ZNF778: variants seen among roughly 807,000 people sequenced by gnomAD.
ZNF778 encodes zinc finger protein 778.
Under a neutral mutation model 23.9 loss-of-function variants are expected in ZNF778, and 37 were observed. The observed-to-expected ratio is 1.54, with a 90% confidence interval of 1.19 to 2.03. ZNF778 has a LOEUF of 2.03. Ranked by LOEUF, ZNF778 falls within the 30% of genes most tolerant of loss-of-function variation. The probability of loss-of-function intolerance (pLI) is 0.00; values close to 1 mark genes in which losing one functional copy is unlikely to be tolerated. For missense variants in ZNF778, 1,297 were observed against 934.4 expected, an observed-to-expected ratio of 1.39 and a Z score of -5.06; for synonymous variants, 483 against 343.9, an observed-to-expected ratio of 1.40 and a Z score of -4.48.
Position 89,223,159 on chromosome 16 carries a change from C to G in ZNF778, c.120C>G (p.Asp40Glu). The G allele has an allele frequency of 6.2e-7, 1 of 1,612,766 alleles. No homozygotes were observed. The highest frequency in any genetic ancestry group is 8.5e-7 in the Non-Finnish European group (1 of 1,179,656). Residue 40 changes from aspartate (D) to glutamate (E), a missense_variant and splice_region_variant, in exon 4 of 7, where the codon GAC becomes GAG. Coordinates refer to ENST00000433976, the MANE Select transcript of ZNF778 (RefSeq NM_001201407.2). ...VAGWLINCYQ[D>E]AVTFDDVAVD... is the part of the protein sequence containing the mutation. ...AACCGTCATGTGTGATGATTTAGGA[C>G]GCGGTGACCTTTGACGACGTGGCTG...
At chr16:89,224,891 G>A in intron 5 of ZNF778, 89 bp downstream of exon 5, 2 of 987,456 alleles carry the variant, frequency 2.0e-6, no homozygotes, top group South Asian at 2.7e-5. Context: ...TGGAAGGATT[G>A]TGTCAAGTTA....
Position 89,227,188 on chromosome 16 carries a change from G to T in ZNF778, c.900G>T (p.Val300=). The stretch of plus-strand genomic sequence containing the variant: ...ACACTGCCTACCTTACTGGTCGCGT[G>T]CAAGTCCACCCTGGGGAAAAGCCCT... ...FRYTAYLTGR[V]QVHPGEKPCE... Residue 300 remains valine (V), a synonymous_variant, in exon 7 of 7, where the codon GTG becomes GTT. Transcript: ENST00000433976. 2 of 1,613,940 alleles carry T rather than the reference G, an allele frequency of 1.2e-6. No homozygotes were observed. The highest frequency in any genetic ancestry group is 1.7e-6 in the Non-Finnish European group (2 of 1,179,864).
chr16:89,232,221 T>C lies in ZNF778; in HGVS notation c.*3659T>C, dbSNP rs2031962905. Reference sequence around the variant, plus strand: ...ATTGGTTTGTAGGGGAATGCACTAGTTACTGGGAGCATGGTTGTGATAAAG... The same window carrying C: ...ATTGGTTTGTAGGGGAATGCACTAGCTACTGGGAGCATGGTTGTGATAAAG... On this transcript the variant is annotated 3_prime_UTR_variant, in exon 7 of 7. Coordinates refer to ENST00000433976, the MANE Select transcript of ZNF778 (RefSeq NM_001201407.2). 1 of 177,794 alleles carries C rather than the reference T, an allele frequency of 5.6e-6. No homozygotes were observed. The highest frequency in any genetic ancestry group is 1.2e-5 in the Non-Finnish European group (1 of 81,994). 11.0% of individuals were successfully genotyped at this position (177,794 alleles called of 1,614,324 possible).
intron 3 of ZNF778, 127 bp downstream of exon 3, chr16:89,222,310 G>T: frequency 1.8e-6 from 1 of 544,262 alleles, no homozygotes; most frequent in East Asian, 3.4e-5. Flanking sequence ...AACGCCTCCA[G>T]GGAGAAGAGC....
At position 89,223,162 on chromosome 16, in the gene ZNF778, G is replaced by C; in HGVS notation, c.123G>C (p.Ala41=). 6.2e-7 allele frequency: 1 copy of C among 1,613,112 alleles called. No individual in the cohort carries two copies. Among genetic ancestry groups the C allele is most frequent in the Admixed American group, 1.7e-5 (1 of 59,596 alleles). The change falls in exon 4 of 7, where the codon GCG becomes GCC. Residue 41 remains alanine (A), a synonymous_variant. Transcript: ENST00000433976. ...AGWLINCYQD[A]VTFDDVAVDF... ...CGTCATGTGTGATGATTTAGGACGC[G>C]GTGACCTTTGACGACGTGGCTGTGG... is the stretch of plus-strand genomic sequence containing the variant.
At chr16:89,224,359 C>T (rs2031270104) in intron 4 of ZNF778, among the ~76,000 whole-genome samples, 1 of 152,236 alleles carries the variant, frequency 6.6e-6, no homozygotes, top group South Asian at 2.1e-4. Flanking sequence ...TGGCTCATGC[C>T]TGTAATCCTA....
rs756824331 is a variant in ZNF778 at position 89,221,107 on chromosome 16, C to T, written c.-21C>T. 70 of 1,565,102 alleles carry T rather than the reference C, an allele frequency of 4.5e-5. No homozygotes were observed. The highest frequency in any genetic ancestry group is 1.8e-4 in the South Asian group (15 of 84,990). On this transcript the variant is annotated 5_prime_UTR_variant, in exon 2 of 7. The change creates a new upstream start codon in the 5' untranslated region. Coordinates refer to ENST00000433976, the MANE Select transcript of ZNF778 (RefSeq NM_001201407.2). ...TGGCTTCAGGAAAGGAGCATTCAGA[C>T]GCTTCCGTCAGCCTCCCAGGATGGC...
At chr16:89,222,734 T>C (rs1451401402) in intron 3 of ZNF778, among the ~76,000 whole-genome samples, 1 of 152,176 alleles carries the variant, frequency 6.6e-6, no homozygotes, top group African/African-American at 2.4e-5. Flanking sequence ...CTCTGACACA[T>C]GGTAAGGAAG....
chr16:89,227,510 C>T lies in ZNF778; in HGVS notation c.1222C>T (p.Leu408Phe), dbSNP rs1374607167. 1.2e-6 allele frequency: 2 copies of T among 1,613,858 alleles called. No homozygotes were observed. Among genetic ancestry groups the T allele is most frequent in the Non-Finnish European group, 1.7e-6 (2 of 1,179,910 alleles). The change falls in exon 7 of 7, where the codon CTT becomes TTT. Residue 408 changes from leucine to phenylalanine, a missense_variant. Transcript: ENST00000433976. ...CGKYFRNSSCLNNHVRIHTGI... is the reference protein window; with the variant it reads ...CGKYFRNSSCFNNHVRIHTGI... ...AAAATATTTTAGAAATTCCTCATGCCTTAATAATCATGTTCGAATTCACAC... is the reference window on the plus strand; with the variant it reads ...AAAATATTTTAGAAATTCCTCATGCTTTAATAATCATGTTCGAATTCACAC...
At chr16:89,224,628 TAAAAA>T (rs1010373980) in intron 4 of ZNF778, 86 bp from the exon 5 acceptor site, 3 of 958,630 alleles carry the variant, frequency 3.1e-6, no homozygotes, top group South Asian at 2.8e-5. Context: ...CAAAAAATAA[TAAAAA>T]AAAGGAAATG....
chr16:89,217,749 G>C lies in ZNF778; in HGVS notation c.-293G>C, dbSNP rs1232712386. 6.6e-6 allele frequency: 1 copy of C among 152,222 alleles called. No individual in the cohort carries two copies. The highest frequency in any genetic ancestry group is 2.4e-5 in the African/African-American group (1 of 41,462). 9.4% of individuals were successfully genotyped at this position (152,222 alleles called of 1,614,324 possible). A position where few individuals can be genotyped will look rare whatever the true frequency, so the allele number is the denominator to read the frequency against. ...TCTTGCGGCGGTGCGTGCTGGCGCCGGAGAGTTCCGCGCGTGTCCTCGGGC... is the reference window on the plus strand; with the variant it reads ...TCTTGCGGCGGTGCGTGCTGGCGCCCGAGAGTTCCGCGCGTGTCCTCGGGC... On this transcript the variant is annotated 5_prime_UTR_variant, in exon 1 of 7. Transcript: ENST00000433976.
chr16:89,223,534 G>A (rs971586735), intron 4 of ZNF778, among the ~76,000 whole-genome samples: 1 of 152,168 alleles, frequency 6.6e-6, no homozygotes, highest in Non-Finnish European at 1.5e-5. Context: ...AATGTCTCCT[G>A]GGGGTGGGCC....
intron 1 of ZNF778, among the ~76,000 whole-genome samples, chr16:89,219,773 C>T (rs565735807): frequency 1.3e-5 from 2 of 152,388 alleles, no homozygotes; most frequent in East Asian, 1.9e-4. Context: ...TTACAGGCAA[C>T]TGTGTAGAGC....
Position 89,221,019 on chromosome 16 carries a change from T to G in ZNF778, c.-109T>G. 8.1e-7 allele frequency: 1 copy of G among 1,227,014 alleles called. No homozygotes were observed. The highest frequency in any genetic ancestry group is 2.2e-5 in the Admixed American group (1 of 46,298). The allele number at this position is 1,227,014 out of a possible 1,614,324, so 76.0% of individuals were successfully genotyped here. On this transcript the variant is annotated 5_prime_UTR_variant, in exon 2 of 7. Coordinates refer to ENST00000433976, the MANE Select transcript of ZNF778 (RefSeq NM_001201407.2). ...TAGGAAATAGGGATCCAGCCATCCG[T>G]GGGTCAGGAGGAATGGAGACTGTAC...
chr16:89,217,748 C>T lies in ZNF778; in HGVS notation c.-294C>T, dbSNP rs1402126654. The stretch of plus-strand genomic sequence containing the variant: ...TTCTTGCGGCGGTGCGTGCTGGCGC[C>T]GGAGAGTTCCGCGCGTGTCCTCGGG... On this transcript the variant is annotated 5_prime_UTR_variant, in exon 1 of 7. Transcript: ENST00000433976. 6.6e-6 allele frequency: 1 copy of T among 152,216 alleles called. No individual in the cohort carries two copies. Among genetic ancestry groups the T allele is most frequent in the African/African-American group, 2.4e-5 (1 of 41,462 alleles). 9.4% of individuals were successfully genotyped at this position (152,216 alleles called of 1,614,324 possible).
In ZNF778 at chr16:89,231,102, G is replaced by T. The variant is rs750441369; in HGVS notation, c.*2540G>T. ...TGTTTGTTGTGGAGAGGAGTGGGTT[G>T]TGCCATGTTTCTCTTGTGGGATTGA... On this transcript the variant is annotated 3_prime_UTR_variant, in exon 7 of 7. Transcript: ENST00000433976. 1.3e-5 allele frequency: 2 copies of T among 152,310 alleles called. No individual in the cohort carries two copies. The highest frequency in any genetic ancestry group is 2.9e-5 in the Non-Finnish European group (2 of 68,078). The allele number at this position is 152,310 out of a possible 1,614,324, so 9.4% of individuals were successfully genotyped here. A position where few individuals can be genotyped will look rare whatever the true frequency, so the allele number is the denominator to read the frequency against.
Position 89,230,011 on chromosome 16 carries a change from C to G in ZNF778, c.*1449C>G, listed in dbSNP as rs1316623301. 2 of 981,792 alleles carry G rather than the reference C, an allele frequency of 2.0e-6. No homozygotes were observed. The highest frequency in any genetic ancestry group is 1.1e-4 in the East Asian group (1 of 8,766). 60.8% of individuals were successfully genotyped at this position (981,792 alleles called of 1,614,324 possible). On this transcript the variant is annotated 3_prime_UTR_variant, in exon 7 of 7. Coordinates refer to ENST00000433976, the MANE Select transcript of ZNF778 (RefSeq NM_001201407.2). ...TGATCCTGTGTGAGCAGTGTAGGCT[C>G]TGGTTGGTTAGTCTTAAGTATCCAG...
chr16:89,224,709 C>G lies in ZNF778; in HGVS notation c.245-10C>G. ...GCCTCTTCCATCGATGTCTCTTTCC[C>G]TGTGTACAGGACATCACCTGTTCCA... On this transcript the variant is annotated splice_polypyrimidine_tract_variant and intron_variant, in intron 4 of 6. Transcript: ENST00000433976. 2.0e-6 allele frequency: 3 copies of G among 1,533,694 alleles called. No homozygotes were observed. The highest frequency in any genetic ancestry group is 1.7e-6 in the Non-Finnish European group (2 of 1,144,876).
At chr16:89,225,435 T>C in intron 5 of ZNF778, 120 bp from the exon 6 acceptor site, 1 of 759,070 alleles carries the variant, frequency 1.3e-6, no homozygotes, top group Non-Finnish European at 2.1e-6. Context: ...GATTCCAAAT[T>C]TTACACATAG....
Sources: gnomAD v4.1 joint callset for allele counts (sites outside exome capture counted in the v4.1 genomes callset) on GRCh38, gnomAD v4.1.1 for gene constraint, MANE v1.5 for transcripts, NCBI Gene and HGNC (gene_info 2026-07-23, HGNC 2026-07-21) for gene names.